Variants in MN1 observed in about 807,000 individuals in gnomAD.
MN1 encodes the protein MN1 proto-oncogene, transcriptional regulator.
A neutral mutation model predicts 86.9 loss-of-function variants in MN1; 19 were observed. The observed-to-expected ratio is 0.22, with a 90% CI of 0.15 to 0.32. The LOEUF (loss-of-function observed/expected upper bound fraction) is 0.32, where lower values mean the gene tolerates loss of function less well. Among genes scored for constraint, MN1 ranks in the 10% least tolerant of loss-of-function variants. The probability of loss-of-function intolerance (pLI) is 1.00; values close to 1 mark genes in which losing one functional copy is unlikely to be tolerated. For missense variants in MN1, 1,841 were observed against 1,862.0 expected (o/e 0.99, Z 0.21); for synonymous variants, 928 against 849.6 (o/e 1.09, Z -1.60).
At position 27,800,559 on chromosome 22, in the gene MN1, G is replaced by A. The variant is rs1291310086; in HGVS notation, c.-16C>T. The A allele has an allele frequency of 3.1e-6, 5 of 1,613,782 alleles. No homozygotes were observed. In the Admixed American group the frequency reaches 6.7e-5, roughly 22 times the overall value. On this transcript the variant is annotated 5_prime_UTR_variant, in exon 1 of 2. Coordinates refer to ENST00000302326, the MANE Select transcript of MN1 (RefSeq NM_002430.3). Reference sequence around the variant, plus strand: ...GCCCAAACATACTTGGCGGGGGGCAGAGGGGGATCAATAGGGCATGACAGC... The same window carrying A: ...GCCCAAACATACTTGGCGGGGGGCAAAGGGGGATCAATAGGGCATGACAGC...
chr22:27,790,422 G>C (rs1048125713), intron 1 of MN1, among the ~76,000 whole-genome samples: 1 of 152,216 alleles, frequency 6.6e-6, no homozygotes, highest in Non-Finnish European at 1.5e-5. Context: ...GTGACCCATC[G>C]GGCACAATGT....
chr22:27,800,660 C>T lies in MN1; in HGVS notation c.-117G>A. ...GGGCGCTCCGGGACGCTCAGCACCG[C>T]GGGGGCTCAGCGCGCACCTCCACCC... On this transcript the variant is annotated 5_prime_UTR_variant, in exon 1 of 2. Coordinates refer to ENST00000302326, the MANE Select transcript of MN1 (RefSeq NM_002430.3). 6.8e-7 allele frequency: 1 copy of T among 1,480,484 alleles called. No homozygotes were observed. The highest frequency in any genetic ancestry group is 9.1e-7 in the Non-Finnish European group (1 of 1,100,012). 91.7% of individuals were successfully genotyped at this position (1,480,484 alleles called of 1,614,324 possible). A position where few individuals can be genotyped will look rare whatever the true frequency, so the allele number is the denominator to read the frequency against.
At position 27,797,439 on chromosome 22, in the gene MN1, G is replaced by C. The variant is rs376420334; in HGVS notation, c.3105C>G (p.Asp1035Glu). 6.8e-6 allele frequency: 11 copies of C among 1,607,900 alleles called. No individual in the cohort carries two copies. Among genetic ancestry groups the C allele is most frequent in the African/African-American group, 1.3e-5 (1 of 74,972 alleles). Residue 1035 changes from aspartate (D) to glutamate (E), a missense_variant, in exon 1 of 2, where the codon GAC becomes GAG. By Grantham distance (45) the Asp-to-Glu change is conservative (BLOSUM62 2). Coordinates refer to ENST00000302326, the MANE Select transcript of MN1 (RefSeq NM_002430.3). ...ACTCACCCACGTTTGGCGAACTACT[G>C]TCCGACTTGGCCCCGCCGTCCAGGG... ...IGSLDGGAKS[D>E]SSSPNVGEFA...
At chr22:27,782,304 G>C (rs908587578) in intron 1 of MN1, among the ~76,000 whole-genome samples, 7 of 152,138 alleles carry the variant, frequency 4.6e-5, no homozygotes, top group Non-Finnish European at 1.0e-4. Flanking sequence ...GCTGACGCAG[G>C]GGCAGTGGGT....
In MN1 at chr22:27,798,024, C is replaced by T; in HGVS notation, c.2520G>A (p.Gly840=). The T allele has an allele frequency of 6.2e-7, 1 of 1,607,070 alleles. No individual in the cohort carries two copies. Among genetic ancestry groups the T allele is most frequent in the Non-Finnish European group, 8.5e-7 (1 of 1,177,974 alleles). Residue 840 remains glycine, a synonymous_variant, in exon 1 of 2, where the codon GGG becomes GGA. Transcript: ENST00000302326. ...TACQNMIASL[G]APNLNVTFNK... ...TGAAGGTCACGTTGAGGTTGGGGGC[C>T]CCGAGGCTGGCGATCATGTTCTGGC...
At chr22:27,767,447 G>A (rs537329124) in intron 1 of MN1, among the ~76,000 whole-genome samples, 19 of 152,290 alleles carry the variant, frequency 1.2e-4, no homozygotes, top group African/African-American at 4.3e-4. Context: ...TTCAAAGTTT[G>A]AAGGTTAGAG....
Position 27,800,309 on chromosome 22 carries a change from G to C in MN1, c.235C>G (p.His79Asp), listed in dbSNP as rs1933409434. 6.3e-7 allele frequency: 1 copy of C among 1,578,100 alleles called. No homozygotes were observed. Among genetic ancestry groups the C allele is most frequent in the African/African-American group, 1.4e-5 (1 of 73,936 alleles). Reference sequence around the variant, plus strand: ...GGCTGCGCTTGCAGCCCCCCTGCGTGCAACTCCGAGTGGCCGCGCGCGTGG... The same window carrying C: ...GGCTGCGCTTGCAGCCCCCCTGCGTCCAACTCCGAGTGGCCGCGCGCGTGG... ...GFHARGHSEL[H>D]AGGLQAQPVH... The change falls in exon 1 of 2, where the codon CAC becomes GAC. Residue 79 changes from histidine (H) to aspartate (D), a missense_variant. Physicochemically the swap from His to Asp is moderately conservative, Grantham distance 81. Transcript: ENST00000302326.
intron 1 of MN1, among the ~76,000 whole-genome samples, chr22:27,772,852 CCATCAT>C (rs113365837): frequency 0.011 from 1,601 of 147,526 alleles, 15 homozygotes; most frequent in Admixed American, 0.017. Flanking sequence ...ATCACCATTG[CCATCAT>C]CATCATCATC....
chr22:27,793,962 T>G (rs564695265), intron 1 of MN1, among the ~76,000 whole-genome samples: 1 of 152,120 alleles, frequency 6.6e-6, no homozygotes, highest in East Asian at 1.9e-4. Context: ...AAAATATCAT[T>G]ACAAAAATGG....
rs1373836894 is a variant in MN1, at chr22:27,749,139, C to G, written c.*1776G>C. ...ACTGCCCAGGCGAGAACCGCAGACTCAGACCCCAGCCAAAAGGACCGGCAG... is the reference window on the plus strand; with the variant it reads ...ACTGCCCAGGCGAGAACCGCAGACTGAGACCCCAGCCAAAAGGACCGGCAG... On this transcript the variant is annotated 3_prime_UTR_variant, in exon 2 of 2. Coordinates refer to ENST00000302326, the MANE Select transcript of MN1 (RefSeq NM_002430.3). 1 of 231,978 alleles carries G rather than the reference C, an allele frequency of 4.3e-6. No homozygotes were observed. Among genetic ancestry groups the G allele is most frequent in the Non-Finnish European group, 8.5e-6 (1 of 117,324 alleles). The allele number at this position is 231,978 out of a possible 1,614,324, so 14.4% of individuals were successfully genotyped here.
intron 1 of MN1, among the ~76,000 whole-genome samples, chr22:27,782,568 A>G (rs748111472): frequency 9.2e-5 from 14 of 152,198 alleles, no homozygotes; most frequent in Non-Finnish European, 1.8e-4. Flanking sequence ...TGCTCAGTAA[A>G]ATCTGGTGCT....
At position 27,799,594 on chromosome 22, in the gene MN1, A is replaced by C; in HGVS notation, c.950T>G (p.Phe317Cys). 6.5e-7 allele frequency: 1 copy of C among 1,527,706 alleles called. No homozygotes were observed. 94.6% of individuals were successfully genotyped at this position (1,527,706 alleles called of 1,614,324 possible). A position where few individuals can be genotyped will look rare whatever the true frequency, so the allele number is the denominator to read the frequency against. The change falls in exon 1 of 2, where the codon TTC becomes TGC. Residue 317 changes from phenylalanine (F) to cysteine (C), a missense_variant. Coordinates refer to ENST00000302326, the MANE Select transcript of MN1 (RefSeq NM_002430.3). Reference sequence around the variant, plus strand: ...CACAGGCATCTTTCTGGCCCCACTGAACCTCTCAAAGAACACACCATGCTG... The same window carrying C: ...CACAGGCATCTTTCTGGCCCCACTGCACCTCTCAAAGAACACACCATGCTG... ...QQQHGVFFER[F>C]SGARKMPVGL...
chr22:27,801,291 G>T lies in MN1; in HGVS notation c.-748C>A, dbSNP rs1933435374. The T allele has an allele frequency of 4.8e-6, 1 of 209,536 alleles. No individual in the cohort carries two copies. Among genetic ancestry groups the T allele is most frequent in the Non-Finnish European group, 9.3e-6 (1 of 107,184 alleles). The allele number at this position is 209,536 out of a possible 1,614,324, so 13.0% of individuals were successfully genotyped here. ...GCAGGCGCCGGGGGCTGGAGCCGAGGGTCGGGGAAAGGCGCGGCTCCTCTG... is the reference window on the plus strand; with the variant it reads ...GCAGGCGCCGGGGGCTGGAGCCGAGTGTCGGGGAAAGGCGCGGCTCCTCTG... On this transcript the variant is annotated 5_prime_UTR_variant, in exon 1 of 2. Transcript: ENST00000302326.
At chr22:27,755,881 A>G (rs1302298988) in intron 1 of MN1, among the ~76,000 whole-genome samples, 1 of 152,238 alleles carries the variant, frequency 6.6e-6, no homozygotes, top group East Asian at 1.9e-4. Context: ...AGGGTTCAAC[A>G]ATGATAGTGG....
At chr22:27,760,211 G>C in intron 1 of MN1, among the ~76,000 whole-genome samples, 1 of 152,128 alleles carries the variant, frequency 6.6e-6, no homozygotes. Context: ...CGGGAGTAGT[G>C]GCACATGCCT....
chr22:27,777,321 C>T (rs1002284463), intron 1 of MN1, among the ~76,000 whole-genome samples: 3 of 151,970 alleles, frequency 2.0e-5, no homozygotes, highest in African/African-American at 7.3e-5. Context: ...TCGTTTGAGA[C>T]CAGGAGTTCA....
Position 27,800,575 on chromosome 22 carries a change from G to A in MN1, c.-32C>T, listed in dbSNP as rs1424173503. On this transcript the variant is annotated 5_prime_UTR_variant, in exon 1 of 2. Coordinates refer to ENST00000302326, the MANE Select transcript of MN1 (RefSeq NM_002430.3). ...CGGGGGGCAGAGGGGGATCAATAGG[G>A]CATGACAGCCGGCTCTCCGCGGCGC... The A allele has an allele frequency of 6.2e-7, 1 of 1,613,026 alleles. No individual in the cohort carries two copies. Among genetic ancestry groups the A allele is most frequent in the East Asian group, 2.2e-5 (1 of 44,844 alleles).
rs750789545 is a variant in MN1 at position 27,800,370 on chromosome 22, G to C, written c.174C>G (p.Pro58=). The part of the protein sequence containing the change: ...VDPAMSALGE[P]PILGMNMEPY... ...GCTCCATGTTCATGCCCAAGATCGG[G>C]GGTTCGCCCAGCGCGCTCATAGCAG... The change falls in exon 1 of 2, where the codon CCC becomes CCG. Residue 58 remains proline (P), a synonymous_variant. Transcript: ENST00000302326. 1.2e-6 allele frequency: 2 copies of C among 1,610,680 alleles called. No individual in the cohort carries two copies. The highest frequency in any genetic ancestry group is 8.5e-7 in the Non-Finnish European group (1 of 1,178,032).
chr22:27,801,046 G>T lies in MN1; in HGVS notation c.-503C>A. On this transcript the variant is annotated 5_prime_UTR_variant, in exon 1 of 2. Coordinates refer to ENST00000302326, the MANE Select transcript of MN1 (RefSeq NM_002430.3). ...CAGGGGAGGGAGACCCTTCAAAGCC[G>T]CGGCTGGCGCCGGGCACCGACAGAG... The T allele has an allele frequency of 4.2e-6, 1 of 238,502 alleles. No individual in the cohort carries two copies. Among genetic ancestry groups the T allele is most frequent in the Admixed American group, 5.1e-5 (1 of 19,596 alleles). 14.8% of individuals were successfully genotyped at this position (238,502 alleles called of 1,614,324 possible). A position where few individuals can be genotyped will look rare whatever the true frequency, so the allele number is the denominator to read the frequency against.
Sources: gnomAD v4.1 joint callset for allele counts (sites outside exome capture counted in the v4.1 genomes callset) on GRCh38, gnomAD v4.1.1 for gene constraint, MANE v1.5 for transcripts, NCBI Gene and HGNC (gene_info 2026-07-23, HGNC 2026-07-21) for gene names.